DENND2B: variants seen among roughly 807,000 people sequenced by gnomAD.
DENND2B encodes DENN domain containing 2B, also known as DENN domain-containing protein 2B.
Under a neutral mutation model 116.0 loss-of-function variants are expected in DENND2B, and 32 were observed. That is an observed-to-expected ratio of 0.28 (90% CI 0.21 to 0.37). The LOEUF (loss-of-function observed/expected upper bound fraction) is 0.37, where lower values mean the gene tolerates loss of function less well. Ranked by LOEUF, DENND2B falls within the 10% of genes least tolerant of loss-of-function variation. The pLI, the probability that DENND2B is intolerant of heterozygous loss-of-function variation, is 1.00. For missense variants in DENND2B, 1,276 were observed against 1,477.7 expected, an observed-to-expected ratio of 0.86 and a Z score of 2.24; for synonymous variants, 588 against 583.9, an observed-to-expected ratio of 1.01 and a Z score of -0.10.
upstream of DENND2B, among the ~76,000 whole-genome samples, chr11:8,873,608 C>T (rs889751090): frequency 1.3e-5 from 2 of 152,100 alleles, no homozygotes; most frequent in East Asian, 1.9e-4. Context: ...TAGTAATTTG[C>T]GTTAACGTAA....
At chr11:8,893,999 A>G (rs2064067542) in intron 1 of DENND2B, among the ~76,000 whole-genome samples, 1 of 152,148 alleles carries the variant, frequency 6.6e-6, no homozygotes, top group African/African-American at 2.4e-5. Flanking sequence ...TTCAAACTAT[A>G]CTACAAGGCT....
At chr11:8,698,074 G>A (rs1457496008) in intron 16 of DENND2B, 5 of 313,184 alleles carry the variant, frequency 1.6e-5, no homozygotes, top group Non-Finnish European at 3.1e-5. Context: ...CAGGCAGGTC[G>A]AGGCTGCAGT....
upstream of DENND2B, among the ~76,000 whole-genome samples, chr11:8,814,771 C>T (rs2061511504): frequency 6.6e-6 from 1 of 152,220 alleles, no homozygotes; most frequent in African/African-American, 2.4e-5. Flanking sequence ...TTGTGCAGGG[C>T]CCAGCTCACA....
At chr11:8,897,299 T>G (rs770474863) in intron 1 of DENND2B, among the ~76,000 whole-genome samples, 4 of 151,940 alleles carry the variant, frequency 2.6e-5, no homozygotes, top group Non-Finnish European at 5.9e-5. Context: ...CATGACAAAT[T>G]AAAAAGCATT....
chr11:8,859,278 A>G (rs1459355924), intron 2 of DENND2B, among the ~76,000 whole-genome samples: 6 of 151,200 alleles, frequency 4.0e-5, no homozygotes, highest in African/African-American at 1.5e-4. Context: ...AGGGTTAGAT[A>G]AACACTAACG....
At position 8,714,709 on chromosome 11, in the gene DENND2B, G is replaced by A. The variant is rs374150887; in HGVS notation, c.1846-3C>T. 2.4e-5 allele frequency: 38 copies of A among 1,613,854 alleles called. No homozygotes were observed. In the African/African-American group the frequency reaches 3.5e-4, roughly 15 times the overall value. On this transcript the variant is annotated splice_polypyrimidine_tract_variant and splice_region_variant and intron_variant, in intron 6 of 19. Transcript: ENST00000313726. The stretch of plus-strand genomic sequence containing the variant: ...ATGGAGTTAATTCTTTGGACAAGCT[G>A]GGTGAGAAAAGCAGGATGGGTGAGG...
chr11:8,791,334 T>G (rs2059357059), intron 1 of DENND2B, among the ~76,000 whole-genome samples: 1 of 152,088 alleles, frequency 6.6e-6, no homozygotes, highest in African/African-American at 2.4e-5. Flanking sequence ...CCCCAAACAT[T>G]AACAAAAGAA....
Position 8,731,087 on chromosome 11 carries a change from T to C in DENND2B, c.203A>G (p.Lys68Arg). 1 of 1,611,962 alleles carries C rather than the reference T, an allele frequency of 6.2e-7. No individual in the cohort carries two copies. The highest frequency in any genetic ancestry group is 8.5e-7 in the Non-Finnish European group (1 of 1,178,544). Residue 68 changes from lysine to arginine, a missense_variant, in exon 3 of 20, where the codon AAG (lysine) becomes AGG (arginine). Lys to Arg is a conservative substitution (Grantham distance 26). Transcript: ENST00000313726. ...TGAAGGAGCTGGGGGGTGCCGGTCCTTGAGGAGCACCCGGGAGCTGGAGTG... is the reference window on the plus strand; with the variant it reads ...TGAAGGAGCTGGGGGGTGCCGGTCCCTGAGGAGCACCCGGGAGCTGGAGTG... ...PSHSSSRVLL[K>R]DRHPPAPSPQ...
At chr11:8,822,106 G>A (rs189549605) in intron 4 of DENND2B, among the ~76,000 whole-genome samples, 2 of 152,240 alleles carry the variant, frequency 1.3e-5, no homozygotes, top group African/African-American at 4.8e-5. Context: ...AAAGTTAATA[G>A]TAGCATTTTC....
At chr11:8,851,210 T>C (rs1490334913) in intron 3 of DENND2B, among the ~76,000 whole-genome samples, 1 of 152,120 alleles carries the variant, frequency 6.6e-6, no homozygotes, top group Non-Finnish European at 1.5e-5. Context: ...AACATAGGTA[T>C]GTAAGGTAAT....
At chr11:8,745,750 G>A (rs1332454691) in intron 2 of DENND2B, among the ~76,000 whole-genome samples, 2 of 152,222 alleles carry the variant, frequency 1.3e-5, no homozygotes, top group East Asian at 3.9e-4. Context: ...TTGGAACCCA[G>A]ATATCATGCT....
intron 1 of DENND2B, among the ~76,000 whole-genome samples, chr11:8,891,958 G>A (rs141558571): frequency 0.021 from 3,178 of 152,178 alleles, 48 homozygotes; most frequent in East Asian, 0.077. Context: ...GCACCACACC[G>A]CACTTATTCG....
At position 8,702,100 on chromosome 11, in the gene DENND2B, A is replaced by G. The variant is rs762777036; in HGVS notation, c.2720+472T>C. ...TTGCCTTCTCCAGGGGACACCCTCCACAGGACCCTCGCTGGCTGGCTCAGC... is the reference window on the plus strand; with the variant it reads ...TTGCCTTCTCCAGGGGACACCCTCCGCAGGACCCTCGCTGGCTGGCTCAGC... On this transcript the variant is annotated intron_variant, in intron 14 of 19. Coordinates refer to ENST00000313726, the MANE Select transcript of DENND2B (RefSeq NM_213618.2). This position sits in a 1 kb window ranked among gnomAD's most constrained non-coding sequence, Gnocchi z 4.6. Among the ~76,000 whole-genome samples the G allele has an allele frequency of 3.9e-5, 6 of 151,944 alleles. No individual in the cohort carries two copies. The highest frequency in any genetic ancestry group is 8.8e-5 in the Non-Finnish European group (6 of 67,998).
At chr11:8,812,322 T>C (rs2061416374), upstream of DENND2B, among the ~76,000 whole-genome samples, 1 of 152,064 alleles carries the variant, frequency 6.6e-6, no homozygotes, top group Non-Finnish European at 1.5e-5. Context: ...TAAGACAGCA[T>C]CTCTAAGATG....
chr11:8,888,163 GTGGTTAATTT>G lies in DENND2B; in HGVS notation c.-255-7064_-255-7055del, dbSNP rs564044724. ...CCAGGAAAAGGCTTGGACCTAAATTGTGGTTAATTTTGGTCAATTTCGGCTCTTAGTGTAG... is the reference window on the plus strand; with the variant it reads ...CCAGGAAAAGGCTTGGACCTAAATTGTGGTCAATTTCGGCTCTTAGTGTAG... On this transcript the variant is annotated intron_variant, in intron 1 of 22. Coordinates refer to the DENND2B transcript ENST00000534127. Among the ~76,000 whole-genome samples the G allele has an allele frequency of 4.5e-4, 68 of 152,310 alleles. No individual in the cohort carries two copies. In the South Asian group the frequency reaches 5.4e-3, roughly 12 times the overall value.
intron 4 of DENND2B, chr11:8,718,996 G>T: frequency 1.0e-6 from 1 of 986,854 alleles, no homozygotes; most frequent in Non-Finnish European, 1.2e-6. Flanking sequence ...CTATTTTCCT[G>T]CTGCAGAGCA....
chr11:8,778,010 G>A (rs1203680900), intron 1 of DENND2B, among the ~76,000 whole-genome samples: 5 of 152,202 alleles, frequency 3.3e-5, no homozygotes, highest in Non-Finnish European at 7.3e-5. Flanking sequence ...TCCTTCAGGA[G>A]CTTACCCAAA....
upstream of DENND2B, among the ~76,000 whole-genome samples, chr11:8,872,477 A>G (rs2063796559): frequency 7.1e-6 from 1 of 140,294 alleles, no homozygotes; most frequent in South Asian, 2.4e-4. Flanking sequence ...ACAGAGTGAG[A>G]CTCCGTCTAA....
At chr11:8,741,398 G>GC (rs1565806569) in intron 2 of DENND2B, among the ~76,000 whole-genome samples, 4 of 152,130 alleles carry the variant, frequency 2.6e-5, no homozygotes, top group Non-Finnish European at 4.4e-5. Context: ...CACTGCAGAA[G>GC]CCCCCTCTGA....
Sources: allele counts gnomAD v4.1 joint callset (sites outside exome capture counted in the v4.1 genomes callset), GRCh38; gene constraint gnomAD v4.1.1; non-coding constraint Gnocchi (gnomAD v3.1); transcripts MANE v1.5; gene names NCBI Gene and HGNC (gene_info 2026-07-23, HGNC 2026-07-21).